CRPPA: variants seen among roughly 807,000 people sequenced by gnomAD.
The protein encoded by CRPPA is D-ribitol-5-phosphate cytidylyltransferase.
A neutral mutation model predicts 52.0 loss-of-function variants in CRPPA; 43 were observed. That is an observed-to-expected ratio of 0.83 (90% CI 0.65 to 1.07). CRPPA has a LOEUF of 1.07. Among genes scored for constraint, CRPPA ranks in the 50% least tolerant of loss-of-function variants. The pLI is 0.00. For synonymous variants in CRPPA, 250 were observed against 203.5 expected (o/e 1.23, Z -1.94); for missense variants, 629 against 551.7 (o/e 1.14, Z -1.40).
chr7:16,311,442 G>A (rs1043617782), intron 3 of CRPPA, among the ~76,000 whole-genome samples: 10 of 152,008 alleles, frequency 6.6e-5, no homozygotes, highest in African/African-American at 2.2e-4. Context: ...ATATTTAGCT[G>A]TTTTACATTG....
intron 6 of CRPPA, among the ~76,000 whole-genome samples, chr7:16,260,430 C>G (rs978390826): frequency 4.6e-5 from 7 of 151,934 alleles, no homozygotes; most frequent in African/African-American, 1.7e-4. Context: ...ACTCTACTGC[C>G]CAGCAACAAC....
chr7:16,124,178 C>G (rs1782532356), intron 9 of CRPPA, among the ~76,000 whole-genome samples: 1 of 151,290 alleles, frequency 6.6e-6, no homozygotes, highest in East Asian at 2.0e-4. Flanking sequence ...ACATTCCCAC[C>G]AATGGTGTGT....
intron 3 of CRPPA, among the ~76,000 whole-genome samples, chr7:16,372,499 A>G (rs536824555): frequency 4.3e-4 from 66 of 152,314 alleles, no homozygotes; most frequent in Non-Finnish European, 7.3e-4. Context: ...ACAAATGCTG[A>G]GAAAATTTGC....
intron 8 of CRPPA, among the ~76,000 whole-genome samples, chr7:16,241,279 T>G (rs1273996840): frequency 6.6e-6 from 1 of 152,202 alleles, no homozygotes; most frequent in Non-Finnish European, 1.5e-5. Flanking sequence ...GTCAATAAAC[T>G]ACTTCCTAAT....
intron 9 of CRPPA, among the ~76,000 whole-genome samples, chr7:16,162,475 A>G (rs1780923057): frequency 6.6e-6 from 1 of 152,134 alleles, no homozygotes; most frequent in Non-Finnish European, 1.5e-5. Context: ...GTTTCCACGT[A>G]GTTGTGTGGT....
rs535552834 is a variant in CRPPA at position 16,238,752 on chromosome 7, G to A, written c.1119+19638C>T. Reference sequence around the variant, plus strand: ...TGACTGTTAAAACCTAAATTATTCTGCTAAATCTACACATTAAAATCATGC... The same window carrying A: ...TGACTGTTAAAACCTAAATTATTCTACTAAATCTACACATTAAAATCATGC... On this transcript the variant is annotated intron_variant, in intron 8 of 9. Transcript: ENST00000407010. 3.3e-5 allele frequency among the ~76,000 whole-genome samples: 5 copies of A among 151,938 alleles called. No homozygotes were observed. The South Asian group carries it at 1.0e-3, about 32-fold the overall frequency.
intron 9 of CRPPA, among the ~76,000 whole-genome samples, chr7:16,184,879 A>C (rs1300903299): frequency 6.6e-6 from 1 of 152,122 alleles, no homozygotes; most frequent in Non-Finnish European, 1.5e-5. Flanking sequence ...ATAAACTCAT[A>C]CTCTACCACT....
chr7:16,337,886 A>G (rs1373606761), intron 3 of CRPPA, among the ~76,000 whole-genome samples: 3 of 152,176 alleles, frequency 2.0e-5, no homozygotes, highest in Admixed American at 1.3e-4. Context: ...CCAGAACCAG[A>G]TATCTTCACT....
intron 3 of CRPPA, among the ~76,000 whole-genome samples, chr7:16,340,719 A>C (rs1227622965): frequency 6.6e-6 from 1 of 152,060 alleles, no homozygotes; most frequent in African/African-American, 2.4e-5. Context: ...AAACTAGATA[A>C]ACTCTTACAA....
At chr7:16,184,914 C>A (rs1282004420) in intron 9 of CRPPA, among the ~76,000 whole-genome samples, 2 of 152,208 alleles carry the variant, frequency 1.3e-5, no homozygotes, top group Non-Finnish European at 2.9e-5. Flanking sequence ...GCTTATTTCA[C>A]CATTCCTATA....
chr7:16,240,047 G>A (rs1305692919), intron 8 of CRPPA, among the ~76,000 whole-genome samples: 2 of 151,696 alleles, frequency 1.3e-5, no homozygotes, highest in Non-Finnish European at 2.9e-5. Context: ...ACTAATCTCA[G>A]GGAGTATTCT....
At chr7:16,157,180 G>GC (rs1470853850) in intron 9 of CRPPA, among the ~76,000 whole-genome samples, 1 of 97,580 alleles carries the variant, frequency 1.0e-5, no homozygotes, top group Non-Finnish European at 2.5e-5. Flanking sequence ...CACAAATGCT[G>GC]CAATTTTTTT....
intron 2 of CRPPA, among the ~76,000 whole-genome samples, chr7:16,377,023 T>C (rs80175332): frequency 0.058 from 8,812 of 152,220 alleles, 380 homozygotes; most frequent in Non-Finnish European, 0.092. Flanking sequence ...AAAACATCCT[T>C]TCTTCCACAC....
At chr7:16,396,755 A>G (rs1048688083) in intron 2 of CRPPA, among the ~76,000 whole-genome samples, 2 of 152,268 alleles carry the variant, frequency 1.3e-5, no homozygotes, top group Non-Finnish European at 2.9e-5. Context: ...TGACTGATAG[A>G]AAACGTGTGA....
chr7:16,146,598 GATATA>G (rs1782978822), intron 9 of CRPPA, among the ~76,000 whole-genome samples: 1 of 151,954 alleles, frequency 6.6e-6, no homozygotes, highest in Admixed American at 6.6e-5. Context: ...ATATATAAAA[GATATA>G]AACTGTAACA....
intron 9 of CRPPA, among the ~76,000 whole-genome samples, chr7:16,185,410 G>T (rs1016478969): frequency 6.6e-6 from 1 of 151,976 alleles, no homozygotes; most frequent in Non-Finnish European, 1.5e-5. Context: ...GATTTGGGTG[G>T]GGGACACAGC....
In CRPPA at chr7:16,254,805, GAAAGAAAGAAAGAAAGAAAGAAAGA is replaced by G. The variant is rs1247390505; in HGVS notation, c.1119+3560_1119+3584del. Reference sequence around the variant, plus strand: ...AGAAAGAAAGAAGGAAAGAAAGAAAGAAAGAAAGAAAGAAAGAAAGAAAGAAAGAAAGAAAGAAAGAGAAAGAAGA... The same window carrying G: ...AGAAAGAAAGAAGGAAAGAAAGAAAGAAGAAAGAAAGAAAGAGAAAGAAGA... On this transcript the variant is annotated intron_variant, in intron 8 of 9. Transcript: ENST00000407010. 6.2e-3 allele frequency among the ~76,000 whole-genome samples: 832 copies of G among 133,862 alleles called. 5 individuals are homozygous for G. Among genetic ancestry groups the G allele is most frequent in the Non-Finnish European group, 9.2e-3 (552 of 59,876 alleles). The allele number at this position is 133,862 out of a possible 152,430, so 87.8% of individuals were successfully genotyped here.
chr7:16,147,117 G>GT (rs1782989007), intron 9 of CRPPA, among the ~76,000 whole-genome samples: 1 of 152,194 alleles, frequency 6.6e-6, no homozygotes, highest in African/African-American at 2.4e-5. Context: ...CTGCTGCCAT[G>GT]TAAGTTGTGC....
intron 1 of CRPPA, among the ~76,000 whole-genome samples, chr7:16,411,622 A>G (rs959936816): frequency 6.6e-6 from 1 of 151,898 alleles, no homozygotes; most frequent in African/African-American, 2.4e-5. Flanking sequence ...AGAATTCCTA[A>G]CTTCTCAACC....
Sources: allele counts gnomAD v4.1 joint callset (sites outside exome capture counted in the v4.1 genomes callset), GRCh38; gene constraint gnomAD v4.1.1; transcripts MANE v1.5; gene names NCBI Gene and HGNC (gene_info 2026-07-23, HGNC 2026-07-21).